The following GALNT8 variants were observed in gnomAD, a reference collection of about 807,000 sequenced individuals.
The protein encoded by GALNT8 is probable polypeptide N-acetylgalactosaminyltransferase 8.
Under a neutral mutation model 62.7 loss-of-function variants are expected in GALNT8, and 66 were observed. That is an observed-to-expected ratio of 1.05 (90% CI 0.86 to 1.29). The LOEUF is 1.29. Ranked by LOEUF, GALNT8 falls within the 50% of genes most tolerant of loss-of-function variation. GALNT8 has a pLI of 0.00. For missense variants in GALNT8, 771 were observed against 791.8 expected (o/e 0.97, Z 0.32); for synonymous variants, 288 against 294.3 (o/e 0.98, Z 0.22).
In GALNT8 at chr12:4,745,421, T is replaced by C; in HGVS notation, c.861-8T>C. 6.3e-7 allele frequency: 1 copy of C among 1,589,566 alleles called. No individual in the cohort carries two copies. The highest frequency in any genetic ancestry group is 1.7e-5 in the Admixed American group (1 of 59,986). On this transcript the variant is annotated splice_region_variant and splice_polypyrimidine_tract_variant and intron_variant, in intron 4 of 10. Transcript: ENST00000252318. Reference sequence around the variant, plus strand: ...CCAAGCTGGGCTTTCTGCACACTCTTGTTCTAGGGCAGAGCCAATCTTGGC... The same window carrying C: ...CCAAGCTGGGCTTTCTGCACACTCTCGTTCTAGGGCAGAGCCAATCTTGGC...
chr12:4,765,351 G>GC, intron 9 of GALNT8, 28 bp from the exon 10 acceptor site: 3 of 1,295,068 alleles, frequency 2.3e-6, no homozygotes, highest in Non-Finnish European at 3.1e-6. Context: ...TGAGCCCTCT[G>GC]CTTTTTTTTT....
At chr12:4,733,579 T>C (rs1946230098) in intron 2 of GALNT8, among the ~76,000 whole-genome samples, 1 of 152,230 alleles carries the variant, frequency 6.6e-6, no homozygotes, top group Non-Finnish European at 1.5e-5. Flanking sequence ...CCATTTAACA[T>C]AATCACCTAT....
At chr12:4,766,658 G>A (rs1230098131) in intron 10 of GALNT8, among the ~76,000 whole-genome samples, 1 of 152,014 alleles carries the variant, frequency 6.6e-6, no homozygotes, top group Non-Finnish European at 1.5e-5. Context: ...TATAATGGAT[G>A]GGCTTGCTCC....
chr12:4,749,806 C>T lies in GALNT8; in HGVS notation c.1173+3548C>T, dbSNP rs1591570483. On this transcript the variant is annotated intron_variant, in intron 6 of 10. Transcript: ENST00000252318. This position sits in a 1 kb window ranked among gnomAD's most constrained non-coding sequence, Gnocchi z 4.1. ...CCACTGAGTCCCAGGTTTTCCTTTA[C>T]TGGGAGACTTTTTATTACAGCTTTG... 6.6e-6 allele frequency among the ~76,000 whole-genome samples: 1 copy of T among 152,042 alleles called. No individual in the cohort carries two copies. The highest frequency in any genetic ancestry group is 2.1e-4 in the South Asian group (1 of 4,816).
At chr12:4,738,647 G>T (rs1946256514) in intron 2 of GALNT8, among the ~76,000 whole-genome samples, 1 of 152,094 alleles carries the variant, frequency 6.6e-6, no homozygotes. Flanking sequence ...TGATATTGTG[G>T]GTGCGTGCCT....
intron 10 of GALNT8, among the ~76,000 whole-genome samples, chr12:4,772,208 GCATCA>G (rs760625069): frequency 3.9e-5 from 6 of 152,232 alleles, no homozygotes; most frequent in African/African-American, 7.2e-5. Context: ...GAGGCTGAGG[GCATCA>G]CACGAAGCCA....
rs141810916 is a variant in GALNT8, at chr12:4,731,410, A to G, written c.509+4581A>G. On this transcript the variant is annotated intron_variant, in intron 2 of 10. Transcript: ENST00000252318. The stretch of plus-strand genomic sequence containing the variant: ...TAGTGGGTTCTTTAGGGCTTTATAT[A>G]TATAGATCATGTCATCTGCAAACAG... Among the ~76,000 whole-genome samples the G allele has an allele frequency of 5.8e-4, 88 of 152,304 alleles. 2 individuals carry two copies. In the East Asian group the frequency reaches 0.015, roughly 26 times the overall value.
intron 2 of GALNT8, among the ~76,000 whole-genome samples, chr12:4,738,315 A>T (rs1946255135): frequency 6.6e-6 from 1 of 152,208 alleles, no homozygotes; most frequent in Non-Finnish European, 1.5e-5. Context: ...AAAACTATAA[A>T]ACTCTTAGAA....
Position 4,749,590 on chromosome 12 carries a change from C to T in GALNT8, c.1173+3332C>T, listed in dbSNP as rs1330509535. Among the ~76,000 whole-genome samples, 1 of 151,444 alleles carries T rather than the reference C, an allele frequency of 6.6e-6. No individual in the cohort carries two copies. The highest frequency in any genetic ancestry group is 2.4e-5 in the African/African-American group (1 of 41,250). ...TGTTGAGGATTTTTGTGCCAATATT[C>T]ATCAGAGATATTGGCCTGTAGTTTT... On this transcript the variant is annotated intron_variant, in intron 6 of 10. Coordinates refer to ENST00000252318, the MANE Select transcript of GALNT8 (RefSeq NM_017417.2). The surrounding 1 kb of genome is among the most constrained non-coding windows in gnomAD (Gnocchi z 4.1).
At chr12:4,736,216 C>T (rs1318984366) in intron 2 of GALNT8, among the ~76,000 whole-genome samples, 4 of 152,134 alleles carry the variant, frequency 2.6e-5, no homozygotes, top group Non-Finnish European at 5.9e-5. Context: ...ACAGCTGAAG[C>T]CCCACCAGCA....
chr12:4,768,947 T>G (rs944846724), intron 10 of GALNT8, among the ~76,000 whole-genome samples: 1 of 152,186 alleles, frequency 6.6e-6, no homozygotes, highest in Non-Finnish European at 1.5e-5. Context: ...TTTCTTTGAT[T>G]TCATGATTCT....
chr12:4,734,523 GAAATCAGATTGAAAGTATCT>G (rs1340649898), intron 2 of GALNT8, among the ~76,000 whole-genome samples: 5 of 152,006 alleles, frequency 3.3e-5, no homozygotes, highest in African/African-American at 1.2e-4. Flanking sequence ...ATGAGATGAG[GAAATCAGATTGAAAGTATCT>G]TCCTTTCGCT....
At chr12:4,746,400 C>A in intron 6 of GALNT8, 142 bp downstream of exon 6, 1 of 630,824 alleles carries the variant, frequency 1.6e-6, no homozygotes, top group Admixed American at 2.5e-5. Flanking sequence ...GGCAACTGGG[C>A]CAAGGACGGG....
Position 4,760,960 on chromosome 12 carries a change from G to A in GALNT8, c.1176G>A (p.Val392=). Residue 392 remains valine (V), a splice_region_variant and synonymous_variant, in exon 7 of 11, where the codon GTG becomes GTA. Coordinates refer to ENST00000252318, the MANE Select transcript of GALNT8 (RefSeq NM_017417.2). ...GATTTTTTGGTCTTCTTCTGCAGGTGTGGCAGTGTGGAGGGAAGGTCGAGA... is the reference window on the plus strand; with the variant it reads ...GATTTTTTGGTCTTCTTCTGCAGGTATGGCAGTGTGGAGGGAAGGTCGAGA... ...GGENVELSLR[V]WQCGGKVEIL... 1 of 1,613,814 alleles carries A rather than the reference G, an allele frequency of 6.2e-7. No individual in the cohort carries two copies. Among genetic ancestry groups the A allele is most frequent in the Non-Finnish European group, 8.5e-7 (1 of 1,179,834 alleles).
At position 4,745,380 on chromosome 12, in the gene GALNT8, C is replaced by T. The variant is rs199954617; in HGVS notation, c.861-49C>T. 380 of 1,197,010 alleles carry T rather than the reference C, an allele frequency of 3.2e-4. 2 individuals carry two copies. In the East Asian group the frequency reaches 8.7e-3, roughly 27 times the overall value. The allele number at this position is 1,197,010 out of a possible 1,614,324, so 74.1% of individuals were successfully genotyped here. A position where few individuals can be genotyped will look rare whatever the true frequency, so the allele number is the denominator to read the frequency against. ...GAACAGCTTTATCTGCTCTCCCCTA[C>T]TGCTTGTCCTCATATCCAAGCTGGG... On this transcript the variant is annotated intron_variant, in intron 4 of 10. Transcript: ENST00000252318.
At chr12:4,743,270 A>T (rs1946280212) in intron 3 of GALNT8, among the ~76,000 whole-genome samples, 1 of 152,212 alleles carries the variant, frequency 6.6e-6, no homozygotes, top group African/African-American at 2.4e-5. Flanking sequence ...TGGATTACTG[A>T]CTAAAAGTAG....
intron 7 of GALNT8, among the ~76,000 whole-genome samples, chr12:4,761,787 C>G (rs1298616264): frequency 1.3e-5 from 2 of 152,050 alleles, no homozygotes; most frequent in African/African-American, 2.4e-5. Flanking sequence ...GTGCTGTGCT[C>G]TCTCGTGTCC....
chr12:4,723,210 T>C (rs3782740), intron 1 of GALNT8, among the ~76,000 whole-genome samples: 61,624 of 151,966 alleles, frequency 0.41, 12,696 homozygotes, highest in Admixed American at 0.44. Flanking sequence ...TGAGTGGGTG[T>C]GTCTAGGAAA....
At chr12:4,764,530 ATTTTTTTTTTTTTTTTT>A (rs58809573) in intron 9 of GALNT8, among the ~76,000 whole-genome samples, 15 of 102,250 alleles carry the variant, frequency 1.5e-4, no homozygotes, top group African/African-American at 3.2e-4. Flanking sequence ...CAGTCAGGGG[ATTTTTTTTTTTTTTTTT>A]TTTTTTTTTT....
Sources: gnomAD v4.1 joint callset for allele counts (sites outside exome capture counted in the v4.1 genomes callset) on GRCh38, gnomAD v4.1.1 for gene constraint, Gnocchi (gnomAD v3.1) non-coding constraint, MANE v1.5 for transcripts, NCBI Gene and HGNC (gene_info 2026-07-23, HGNC 2026-07-21) for gene names.